The following FHIP2A variants were observed in gnomAD, a reference collection of about 807,000 sequenced individuals.
FHIP2A encodes family with sequence similarity 160 member B1.
A neutral mutation model predicts 93.5 loss-of-function variants in FHIP2A; 46 were observed. The ratio of observed to expected loss-of-function variants is 0.49; its 90% CI spans 0.39 to 0.63. The LOEUF (loss-of-function observed/expected upper bound fraction) is 0.63, where lower values mean the gene tolerates loss of function less well. Ranked by LOEUF, FHIP2A falls within the 20% of genes least tolerant of loss-of-function variation. FHIP2A has a pLI of 0.00. For missense variants in FHIP2A, 769 were observed against 909.7 expected, an observed-to-expected ratio of 0.85 and a Z score of 1.99; for synonymous variants, 332 against 326.5, an observed-to-expected ratio of 1.02 and a Z score of -0.18.
At chr10:114,825,927 A>G (rs1167981466) in intron 1 of FHIP2A, among the ~76,000 whole-genome samples, 1 of 152,210 alleles carries the variant, frequency 6.6e-6, no homozygotes, top group Non-Finnish European at 1.5e-5. Context: ...ATTTTAGCTA[A>G]TTCCTTTAAT....
Position 114,875,907 on chromosome 10 carries a change from A to T in FHIP2A, c.2192+14573A>T, listed in dbSNP as rs545726494. On this transcript the variant is annotated intron_variant, in intron 16 of 16. Transcript: ENST00000369250. ...AAGAAAGAGAGAGAAAGAAATAAAGAAAGAGAAAGAAAGAAAGAAAGAAAG... is the reference window on the plus strand; with the variant it reads ...AAGAAAGAGAGAGAAAGAAATAAAGTAAGAGAAAGAAAGAAAGAAAGAAAG... 4.1e-3 allele frequency among the ~76,000 whole-genome samples: 417 copies of T among 101,438 alleles called. 22 individuals are homozygous for T. Among genetic ancestry groups the T allele is most frequent in the African/African-American group, 0.012 (385 of 32,852 alleles). 66.5% of individuals were successfully genotyped at this position (101,438 alleles called of 152,430 possible).
chr10:114,899,414 T>A, intron 16 of FHIP2A: 1 of 714,728 alleles, frequency 1.4e-6, no homozygotes, highest in Non-Finnish European at 2.6e-6. Flanking sequence ...CATAGTTAGA[T>A]CCGTATGCTC....
intron 1 of FHIP2A, among the ~76,000 whole-genome samples, chr10:114,829,671 A>G (rs1171309136): frequency 6.6e-6 from 1 of 152,176 alleles, no homozygotes; most frequent in Non-Finnish European, 1.5e-5. Flanking sequence ...CCTCCTGGGA[A>G]TGCAGCCCAG....
At chr10:114,843,541 T>C (rs1330652057) in intron 6 of FHIP2A, among the ~76,000 whole-genome samples, 200 bp from the exon 7 acceptor site, 2 of 152,154 alleles carry the variant, frequency 1.3e-5, no homozygotes, top group African/African-American at 4.8e-5. Context: ...TGACCTCAGC[T>C]GATCCACCCG....
At chr10:114,828,373 G>C (rs1288827780) in intron 1 of FHIP2A, among the ~76,000 whole-genome samples, 1 of 152,148 alleles carries the variant, frequency 6.6e-6, no homozygotes, top group Admixed American at 6.5e-5. Context: ...TCCCACTCCT[G>C]AAATAATCTG....
chr10:114,865,278 G>A (rs1028225464), downstream of FHIP2A, among the ~76,000 whole-genome samples: 14 of 152,170 alleles, frequency 9.2e-5, no homozygotes, highest in South Asian at 2.1e-4. Flanking sequence ...GTGAGCCACC[G>A]CGCCTGGCCC....
intron 16 of FHIP2A, among the ~76,000 whole-genome samples, chr10:114,877,727 C>A (rs1457731534): frequency 2.0e-5 from 3 of 152,160 alleles, no homozygotes; most frequent in African/African-American, 7.2e-5. Context: ...ATCATGTTTT[C>A]TCCTGCAAAC....
rs112297576 is a variant in FHIP2A at position 114,857,555 on chromosome 10, C to T, written c.1947+2215C>T. Among the ~76,000 whole-genome samples the T allele has an allele frequency of 8.0e-3, 1,220 of 152,260 alleles. 10 individuals are homozygous for T. The highest frequency in any genetic ancestry group is 0.028 in the African/African-American group (1,164 of 41,544). ...GAACTCCTGACCTCAGGTGATCCACCTGCCTCGGCCTCCCAAAGTCCTGGG... is the reference window on the plus strand; with the variant it reads ...GAACTCCTGACCTCAGGTGATCCACTTGCCTCGGCCTCCCAAAGTCCTGGG... On this transcript the variant is annotated intron_variant, in intron 14 of 16. Coordinates refer to ENST00000369248, the MANE Select transcript of FHIP2A (RefSeq NM_020940.4).
At position 114,860,730 on chromosome 10, in the gene FHIP2A, G is replaced by GT. The variant is rs766717508; in HGVS notation, c.1948-13dup. On this transcript the variant is annotated intron_variant, in intron 14 of 16. Transcript: ENST00000369248. ...ATACATTATTTTTAAATGTCTTTCTGTTTTTTATCTCTCCATAGCCATATG... is the reference window on the plus strand; with the variant it reads ...ATACATTATTTTTAAATGTCTTTCTGTTTTTTTATCTCTCCATAGCCATATG... The GT allele has an allele frequency of 2.6e-6, 4 of 1,562,838 alleles. No homozygotes were observed. The East Asian group carries it at 6.7e-5, about 26-fold the overall frequency.
intron 13 of FHIP2A, among the ~76,000 whole-genome samples, chr10:114,852,378 G>A (rs143350777): frequency 5.0e-4 from 76 of 152,254 alleles, no homozygotes; most frequent in Non-Finnish European, 9.1e-4. Flanking sequence ...TTCCAAAGCA[G>A]AACTTATGAT....
chr10:114,896,238 CA>C (rs376424235), intron 16 of FHIP2A, among the ~76,000 whole-genome samples: 155 of 144,856 alleles, frequency 1.1e-3, no homozygotes, highest in African/African-American at 3.1e-3. Flanking sequence ...AACAAGCAAA[CA>C]AAAAAAAAAG....
chr10:114,826,607 G>T (rs1297296977), intron 1 of FHIP2A, among the ~76,000 whole-genome samples: 1 of 152,148 alleles, frequency 6.6e-6, no homozygotes, highest in Non-Finnish European at 1.5e-5. Context: ...GTTATAGAAG[G>T]CTCTCTGGAA....
intron 16 of FHIP2A, among the ~76,000 whole-genome samples, chr10:114,887,467 C>T (rs145464556): frequency 4.6e-5 from 7 of 152,266 alleles, no homozygotes; most frequent in Non-Finnish European, 5.9e-5. Flanking sequence ...AGTTTTCTTC[C>T]GTTTTTAGAT....
chr10:114,846,727 G>T lies in FHIP2A; in HGVS notation c.1567G>T (p.Val523Leu). 6.3e-7 allele frequency: 1 copy of T among 1,588,638 alleles called. No individual in the cohort carries two copies. The highest frequency in any genetic ancestry group is 1.2e-5 in the South Asian group (1 of 85,516). Residue 523 changes from valine (V) to leucine (L), a missense_variant and splice_region_variant, in exon 11 of 17, where the codon GTA becomes TTA. Val to Leu is a conservative substitution (Grantham distance 32, BLOSUM62 1). Coordinates refer to ENST00000369248, the MANE Select transcript of FHIP2A (RefSeq NM_020940.4). ...VVENGLIAGA[V>L]DLEEDPLFTD... ...AGAAAATGGATTGATAGCAGGAGCA[G>T]TGTAAGTTTCCATCCAACTCCGTGA...
At chr10:114,887,444 A>G (rs936168519) in intron 16 of FHIP2A, among the ~76,000 whole-genome samples, 6 of 152,198 alleles carry the variant, frequency 3.9e-5, no homozygotes, top group Admixed American at 6.5e-5. Context: ...CAAAAACCCT[A>G]TGAGGGAGGC....
chr10:114,874,954 G>T (rs1453609257), intron 16 of FHIP2A, among the ~76,000 whole-genome samples: 3 of 152,212 alleles, frequency 2.0e-5, no homozygotes, highest in Non-Finnish European at 4.4e-5. Context: ...CACAATTATT[G>T]TAACACAGGA....
At chr10:114,823,671 T>C (rs1430797368) in intron 1 of FHIP2A, among the ~76,000 whole-genome samples, 1 of 151,048 alleles carries the variant, frequency 6.6e-6, no homozygotes, top group Non-Finnish European at 1.5e-5. Context: ...ATTTTTTTTT[T>C]TTTTTTTAGT....
chr10:114,842,396 A>G (rs1475878732), intron 5 of FHIP2A, among the ~76,000 whole-genome samples: 1 of 152,084 alleles, frequency 6.6e-6, no homozygotes, highest in Non-Finnish European at 1.5e-5. Flanking sequence ...AGGTTTAAGG[A>G]AAAACTTAGA....
At chr10:114,876,543 C>T (rs148926144) in intron 16 of FHIP2A, among the ~76,000 whole-genome samples, 201 of 152,322 alleles carry the variant, frequency 1.3e-3, no homozygotes, top group Non-Finnish European at 2.2e-3. Flanking sequence ...ACACCTGCTA[C>T]CAAGTAGGTA....
Sources: allele counts gnomAD v4.1 joint callset (sites outside exome capture counted in the v4.1 genomes callset), GRCh38; gene constraint gnomAD v4.1.1; transcripts MANE v1.5; gene names NCBI Gene and HGNC (gene_info 2026-07-23, HGNC 2026-07-21).